The following GPATCH8 variants were observed in gnomAD, a reference collection of about 807,000 sequenced individuals.
GPATCH8 encodes the protein G-patch domain containing 8.
In GPATCH8, 18 loss-of-function variants were observed where a neutral mutation model predicts 118.3. That is an observed-to-expected ratio of 0.15 (90% CI 0.11 to 0.23). The LOEUF is 0.23. Among genes scored for constraint, GPATCH8 ranks in the 10% least tolerant of loss-of-function variants. The probability of loss-of-function intolerance (pLI) is 1.00; values close to 1 mark genes in which losing one functional copy is unlikely to be tolerated. For missense variants in GPATCH8, 1,631 were observed against 1,873.8 expected, an observed-to-expected ratio of 0.87 and a Z score of 2.39; for synonymous variants, 659 against 684.7, an observed-to-expected ratio of 0.96 and a Z score of 0.59.
chr17:44,420,248 G>C (rs1035737253), intron 6 of GPATCH8, among the ~76,000 whole-genome samples: 1 of 152,102 alleles, frequency 6.6e-6, no homozygotes, highest in Non-Finnish European at 1.5e-5. Context: ...AGAGTAATAA[G>C]TGAATATTCT....
chr17:44,494,346 C>A (rs936066591), intron 1 of GPATCH8, among the ~76,000 whole-genome samples: 1 of 152,128 alleles, frequency 6.6e-6, no homozygotes, highest in Non-Finnish European at 1.5e-5. Context: ...AATCCCAGCA[C>A]TTTGGGAGGC....
intron 3 of GPATCH8, among the ~76,000 whole-genome samples, chr17:44,455,994 G>A (rs2051315814): frequency 6.6e-6 from 1 of 152,208 alleles, no homozygotes; most frequent in Non-Finnish European, 1.5e-5. Flanking sequence ...TGATCCACCT[G>A]CCTCGGCCTC....
rs1264805557 is a variant in GPATCH8, at chr17:44,398,531, T to C, written c.3546A>G (p.Pro1182=). 5.0e-6 allele frequency: 8 copies of C among 1,593,780 alleles called. No individual in the cohort carries two copies. Among genetic ancestry groups the C allele is most frequent in the South Asian group, 2.3e-5 (2 of 87,244 alleles). Residue 1182 remains proline, a synonymous_variant, in exon 8 of 8, where the codon CCA becomes CCG. Transcript: ENST00000591680. ...QEQSETEEGP[P]GSSDALFGHQ... is the part of the protein sequence containing the mutation. ...GCCCAAATAGGGCATCACTACTCCC[T>C]GGGGGCCCCTCTTCTGTCTCTGACT...
intron 3 of GPATCH8, among the ~76,000 whole-genome samples, chr17:44,438,897 G>A (rs1346741648): frequency 6.6e-6 from 1 of 152,136 alleles, no homozygotes; most frequent in Admixed American, 6.6e-5. Context: ...TCAGACCAAG[G>A]TGTGAGATTT....
At chr17:44,474,564 C>T (rs1967575710) in intron 2 of GPATCH8, 1 of 523,046 alleles carries the variant, frequency 1.9e-6, no homozygotes, top group South Asian at 2.0e-5. Flanking sequence ...AACTTGCTAC[C>T]TTCAACAAAG....
intron 5 of GPATCH8, among the ~76,000 whole-genome samples, chr17:44,434,560 C>T (rs566596960): frequency 8.5e-5 from 13 of 152,160 alleles, no homozygotes; most frequent in African/African-American, 2.7e-4. Context: ...AAAAATTAGG[C>T]TTGGCGTGGT....
chr17:44,419,760 A>G (rs907558854), intron 6 of GPATCH8, among the ~76,000 whole-genome samples: 1 of 152,044 alleles, frequency 6.6e-6, no homozygotes, highest in Non-Finnish European at 1.5e-5. Context: ...TCCTGGCCTC[A>G]ACAGATCTTC....
At chr17:44,465,287 A>G (rs2051718306) in intron 2 of GPATCH8, 1 of 152,192 alleles carries the variant, frequency 6.6e-6, no homozygotes. Context: ...AGGCCTAGCA[A>G]TAAGTTAACA....
Position 44,453,530 on chromosome 17 carries a change from T to TGTGTGTGTGTGTGTGC in GPATCH8, c.193+10941_193+10942insGCACACACACACACAC, listed in dbSNP as rs1052518435. ...GTGTGTGTGTGTGTGTGTGTGTGTGTGCAGGCGCGCGTTTTGAGACATGCT... is the reference window on the plus strand; with the variant it reads ...GTGTGTGTGTGTGTGTGTGTGTGTGTGTGTGTGTGTGTGTGCGCAGGCGCGCGTTTTGAGACATGCT... On this transcript the variant is annotated intron_variant, in intron 3 of 7. Transcript: ENST00000591680. Among the ~76,000 whole-genome samples, 20 of 150,562 alleles carry TGTGTGTGTGTGTGTGC rather than the reference T, an allele frequency of 1.3e-4. No homozygotes were observed. In the East Asian group the frequency reaches 1.6e-3, roughly 12 times the overall value.
chr17:44,417,316 A>G (rs2049722994), intron 6 of GPATCH8, among the ~76,000 whole-genome samples: 1 of 152,228 alleles, frequency 6.6e-6, no homozygotes, highest in Admixed American at 6.5e-5. Flanking sequence ...TAACTAAATC[A>G]TGTATTAATA....
At chr17:44,410,721 CAA>C (rs1397340865) in intron 6 of GPATCH8, among the ~76,000 whole-genome samples, 2 of 152,018 alleles carry the variant, frequency 1.3e-5, no homozygotes. Flanking sequence ...AGCATTTTTC[CAA>C]AACAGTATAC....
chr17:44,415,076 C>T (rs1439225599), intron 6 of GPATCH8, among the ~76,000 whole-genome samples: 1 of 152,096 alleles, frequency 6.6e-6, no homozygotes, highest in Non-Finnish European at 1.5e-5. Flanking sequence ...TTTACACTTC[C>T]CTTGGGTATA....
chr17:44,441,252 A>G (rs933453898), intron 3 of GPATCH8, among the ~76,000 whole-genome samples: 12 of 152,386 alleles, frequency 7.9e-5, no homozygotes, highest in African/African-American at 2.9e-4. Flanking sequence ...CTTTAGAAAC[A>G]GAAGACATAT....
chr17:44,442,181 C>A (rs2050723212), intron 3 of GPATCH8, among the ~76,000 whole-genome samples: 1 of 142,986 alleles, frequency 7.0e-6, no homozygotes, highest in Admixed American at 7.1e-5. Context: ...ATATTCAAGG[C>A]ACTGTTCTGG....
At chr17:44,404,295 G>A (rs2049138300) in intron 7 of GPATCH8, among the ~76,000 whole-genome samples, 1 of 151,848 alleles carries the variant, frequency 6.6e-6, no homozygotes, top group African/African-American at 2.4e-5. Context: ...GTGCCACCAT[G>A]CCCGGCTAAT....
intron 1 of GPATCH8, among the ~76,000 whole-genome samples, chr17:44,488,687 T>C (rs1333994432): frequency 1.3e-5 from 2 of 151,916 alleles, no homozygotes; most frequent in Admixed American, 6.6e-5. Context: ...AATTGTATTA[T>C]AGTTAGTGTA....
Position 44,398,699 on chromosome 17 carries a change from G to A in GPATCH8, c.3378C>T (p.Pro1126=). 1.3e-6 allele frequency: 2 copies of A among 1,594,048 alleles called. No individual in the cohort carries two copies. Among genetic ancestry groups the A allele is most frequent in the South Asian group, 2.3e-5 (2 of 87,522 alleles). The change falls in exon 8 of 8, where the codon CCC becomes CCT. Residue 1126 remains proline, a synonymous_variant. Transcript: ENST00000591680. ...GCTTGGGCCCAAAGTAACCTTGTGG[G>A]GGGTCCTTGAGCTTGGGCCCAGCTT... is the stretch of plus-strand genomic sequence containing the variant. ...PNKAGPKLKD[P]PQGYFGPKLP... is the part of the protein sequence containing the mutation.
Position 44,451,160 on chromosome 17 carries a change from G to C in GPATCH8, c.193+13312C>G, listed in dbSNP as rs528655196. 2.6e-5 allele frequency among the ~76,000 whole-genome samples: 4 copies of C among 152,104 alleles called. No individual in the cohort carries two copies. The East Asian group carries it at 7.7e-4, about 29-fold the overall frequency. On this transcript the variant is annotated intron_variant, in intron 3 of 7. Transcript: ENST00000591680. The stretch of plus-strand genomic sequence containing the variant: ...AGACAGAGTCTTACTCTGTCACCCA[G>C]GCGGCTCACTGTAACCTCCGCCTCC...
intron 2 of GPATCH8, chr17:44,467,233 T>C: frequency 2.7e-6 from 1 of 376,310 alleles, no homozygotes; most frequent in South Asian, 2.0e-5. Context: ...TATTAAAGAG[T>C]GAAAGCATAA....
Sources: allele counts gnomAD v4.1 joint callset (sites outside exome capture counted in the v4.1 genomes callset), GRCh38; gene constraint gnomAD v4.1.1; transcripts MANE v1.5; gene names NCBI Gene and HGNC (gene_info 2026-07-23, HGNC 2026-07-21).